Variants in BLOC1S2 observed in about 807,000 individuals in gnomAD.
The protein encoded by BLOC1S2 is biogenesis of lysosome-related organelles complex 1 subunit 2.
BLOC1S2 carries 12 observed loss-of-function variants against 19.6 expected under a neutral mutation model. That is an observed-to-expected ratio of 0.61 (90% CI 0.39 to 0.99). BLOC1S2 has a LOEUF of 0.99. Ranked by LOEUF, BLOC1S2 falls within the 50% of genes least tolerant of loss-of-function variation. The pLI, the probability that BLOC1S2 is intolerant of heterozygous loss-of-function variation, is 0.00. For synonymous variants in BLOC1S2, 66 were observed against 64.1 expected (o/e 1.03, Z -0.14); for missense variants, 142 against 171.0 (o/e 0.83, Z 0.95).
chr10:100,275,810 T>C (rs925426362), intron 4 of BLOC1S2, among the ~76,000 whole-genome samples: 12 of 152,172 alleles, frequency 7.9e-5, no homozygotes, highest in African/African-American at 2.7e-4. Context: ...ACTAAAAAAC[T>C]GCCTCTCTCA....
At chr10:100,286,461 G>A in intron 1 of BLOC1S2, 144 bp downstream of exon 1, 1 of 1,486,388 alleles carries the variant, frequency 6.7e-7, no homozygotes, top group Non-Finnish European at 9.0e-7. Context: ...ACCCTGACAG[G>A]ACAAACACTC....
At chr10:100,277,525 C>CCAGCCAGCCGCTCCGTCCGGGAGGGAGG in intron 4 of BLOC1S2, among the ~76,000 whole-genome samples, 1 of 114,746 alleles carries the variant, frequency 8.7e-6, no homozygotes, top group African/African-American at 3.5e-5. Flanking sequence ...AGCCCCCCGC[C>CCAGCCAGCCGCTCCGTCCGGGAGGGAGG]TGGCCAGCTG....
intron 4 of BLOC1S2, among the ~76,000 whole-genome samples, chr10:100,278,315 AC>A (rs1847998708): frequency 6.6e-6 from 1 of 151,942 alleles, no homozygotes; most frequent in African/African-American, 2.4e-5. Flanking sequence ...CCCGGCCACC[AC>A]CCCGTCTGGG....
intron 4 of BLOC1S2, among the ~76,000 whole-genome samples, chr10:100,277,739 C>T (rs1464995629): frequency 7.5e-6 from 1 of 133,796 alleles, no homozygotes; most frequent in Admixed American, 7.1e-5. Context: ...CCAGCCGCCC[C>T]GTCCGGGAGG....
At position 100,274,280 on chromosome 10, in the gene BLOC1S2, A is replaced by T. The variant is rs1431087121; in HGVS notation, c.*1182T>A. On this transcript the variant is annotated 3_prime_UTR_variant, in exon 5 of 5. Transcript: ENST00000370372. ...AAACAAAAAAACACAAGGGACTTGT[A>T]TGCATAATGAAAGTCTAGATTTTTC... 1 of 147,298 alleles carries T rather than the reference A, an allele frequency of 6.8e-6. No homozygotes were observed. Among genetic ancestry groups the T allele is most frequent in the East Asian group, 1.9e-4 (1 of 5,130 alleles). The allele number at this position is 147,298 out of a possible 1,614,324, so 9.1% of individuals were successfully genotyped here. A position where few individuals can be genotyped will look rare whatever the true frequency, so the allele number is the denominator to read the frequency against.
intron 2 of BLOC1S2, 26 bp downstream of exon 2, chr10:100,286,071 C>A: frequency 6.2e-7 from 1 of 1,611,542 alleles, no homozygotes; most frequent in Non-Finnish European, 8.5e-7. Context: ...CAAACCGCAC[C>A]CGAATCAACC....
Position 100,273,491 on chromosome 10 carries a change from G to A in BLOC1S2, c.*1971C>T, listed in dbSNP as rs1023167918. 3 of 152,250 alleles carry A rather than the reference G, an allele frequency of 2.0e-5. No homozygotes were observed. Among genetic ancestry groups the A allele is most frequent in the African/African-American group, 7.2e-5 (3 of 41,556 alleles). 9.4% of individuals were successfully genotyped at this position (152,250 alleles called of 1,614,324 possible). A position where few individuals can be genotyped will look rare whatever the true frequency, so the allele number is the denominator to read the frequency against. On this transcript the variant is annotated 3_prime_UTR_variant, in exon 5 of 5. Transcript: ENST00000370372. ...AAACTCATCCATGGGAATTTAAGGT[G>A]GCTGAAGATAGCTGAACACAGTGTA...
intron 2 of BLOC1S2, among the ~76,000 whole-genome samples, chr10:100,281,726 AC>A (rs1476646099): frequency 6.7e-6 from 1 of 150,048 alleles, no homozygotes; most frequent in Non-Finnish European, 1.5e-5. Flanking sequence ...ACACACACAC[AC>A]ACACACACAC....
chr10:100,284,780 C>T (rs1443883504), intron 2 of BLOC1S2, among the ~76,000 whole-genome samples: 2 of 151,772 alleles, frequency 1.3e-5, no homozygotes, highest in Non-Finnish European at 2.9e-5. Context: ...CATGAGCCAC[C>T]GTGCCTGGCC....
rs1474964468 is a variant in BLOC1S2 at position 100,277,576 on chromosome 10, G to A, written c.398-2083C>T. On this transcript the variant is annotated intron_variant, in intron 4 of 4. Transcript: ENST00000370372. Reference sequence around the variant, plus strand: ...AGGTGGGGGGGTCAGCCCCCCGCCCGGCCAGCCGCTCCGTCCGGGAGGGAG... The same window carrying A: ...AGGTGGGGGGGTCAGCCCCCCGCCCAGCCAGCCGCTCCGTCCGGGAGGGAG... Among the ~76,000 whole-genome samples, 211 of 113,732 alleles carry A rather than the reference G, an allele frequency of 1.9e-3. 16 individuals are homozygous for A. Among genetic ancestry groups the A allele is most frequent in the African/African-American group, 7.1e-3 (192 of 27,068 alleles). The allele number at this position is 113,732 out of a possible 152,430, so 74.6% of individuals were successfully genotyped here.
At chr10:100,277,231 C>T (rs570227473) in intron 4 of BLOC1S2, among the ~76,000 whole-genome samples, 6 of 151,188 alleles carry the variant, frequency 4.0e-5, no homozygotes, top group African/African-American at 7.3e-5. Context: ...GCCTGGTAAC[C>T]GCCCCGTCTG....
intron 4 of BLOC1S2, among the ~76,000 whole-genome samples, chr10:100,278,217 C>G (rs1847992332): frequency 6.7e-6 from 1 of 150,082 alleles, no homozygotes; most frequent in Non-Finnish European, 1.5e-5. Flanking sequence ...GTGGGGGGGT[C>G]AGCCCCCCGC....
chr10:100,282,365 C>G (rs554358602), intron 2 of BLOC1S2, among the ~76,000 whole-genome samples: 2 of 152,316 alleles, frequency 1.3e-5, no homozygotes, highest in South Asian at 4.1e-4. Flanking sequence ...GCCCTACCAT[C>G]CAGAGATTAC....
intron 3 of BLOC1S2, 62 bp from the exon 4 acceptor site, chr10:100,280,290 G>C: frequency 7.0e-7 from 1 of 1,426,034 alleles, no homozygotes; most frequent in Non-Finnish European, 9.7e-7. Context: ...TATAGGAAAA[G>C]AGTGGAAAAG....
At chr10:100,286,426 C>T in intron 1 of BLOC1S2, 179 bp downstream of exon 1, 2 of 1,466,264 alleles carry the variant, frequency 1.4e-6, no homozygotes, top group South Asian at 2.8e-5. Context: ...CCGGCACCCC[C>T]GCTCATCCTG....
chr10:100,285,972 C>G (rs1350180404), intron 2 of BLOC1S2, 125 bp downstream of exon 2: 26 of 1,340,006 alleles, frequency 1.9e-5, no homozygotes, highest in Non-Finnish European at 2.5e-5. Flanking sequence ...ATGGCCTCCC[C>G]CAACTTCCAA....
Position 100,275,311 on chromosome 10 carries a change from C to A in BLOC1S2, c.*151G>T. ...AAGGTTCAGGAATAGCCACAGTCCT[C>A]CAGTTTACTCGAACGTTGAGATGTT... On this transcript the variant is annotated 3_prime_UTR_variant, in exon 5 of 5. Coordinates refer to ENST00000370372, the MANE Select transcript of BLOC1S2 (RefSeq NM_173809.5). 1.4e-6 allele frequency: 1 copy of A among 723,488 alleles called. No individual in the cohort carries two copies. The highest frequency in any genetic ancestry group is 2.5e-5 in the Admixed American group (1 of 39,836). 44.8% of individuals were successfully genotyped at this position (723,488 alleles called of 1,614,324 possible).
intron 2 of BLOC1S2, chr10:100,283,032 G>A (rs746093927): frequency 4.5e-5 from 18 of 398,052 alleles, no homozygotes; most frequent in Admixed American, 1.3e-4. Flanking sequence ...CAATGTACAA[G>A]TCACCTGAGT....
chr10:100,286,527 C>A lies in BLOC1S2; in HGVS notation c.55+78G>T, dbSNP rs1483845389. The A allele has an allele frequency of 5.1e-6, 8 of 1,581,922 alleles. No individual in the cohort carries two copies. In the East Asian group the frequency reaches 1.9e-4, roughly 37 times the overall value. On this transcript the variant is annotated intron_variant, in intron 1 of 4. Transcript: ENST00000370372. ...AGCCCGTTCCTGCCAGGTGAGCCAC[C>A]ACACACTCAACCTCGCCCACCCGAG...
Sources: gnomAD v4.1 joint callset for allele counts (sites outside exome capture counted in the v4.1 genomes callset) on GRCh38, gnomAD v4.1.1 for gene constraint, MANE v1.5 for transcripts, NCBI Gene and HGNC (gene_info 2026-07-23, HGNC 2026-07-21) for gene names.